Variants in CTNNA2 observed in about 807,000 individuals in gnomAD.
The protein encoded by CTNNA2 is catenin alpha-2.
Under a neutral mutation model 101.0 loss-of-function variants are expected in CTNNA2, and 42 were observed. The ratio of observed to expected loss-of-function variants is 0.42; its 90% CI spans 0.32 to 0.54. CTNNA2 has a LOEUF of 0.54. Ranked by LOEUF, CTNNA2 falls within the 20% of genes least tolerant of loss-of-function variation. CTNNA2 has a pLI of 0.14. For missense variants in CTNNA2, 871 were observed against 1,223.1 expected (o/e 0.71, Z 4.29); for synonymous variants, 450 against 456.4 (o/e 0.99, Z 0.18).
At chr2:79,781,003 G>T (rs938977038) in intron 3 of CTNNA2, among the ~76,000 whole-genome samples, 1 of 152,200 alleles carries the variant, frequency 6.6e-6, no homozygotes, top group South Asian at 2.1e-4. Flanking sequence ...TGGATCTCAT[G>T]CAAGAAAGAA....
At chr2:79,342,595 G>A (rs973637142) in intron 3 of CTNNA2, among the ~76,000 whole-genome samples, 1 of 152,008 alleles carries the variant, frequency 6.6e-6, no homozygotes, top group Non-Finnish European at 1.5e-5. Context: ...AATTATCTAG[G>A]GGTACATTTG....
intron 9 of CTNNA2, among the ~76,000 whole-genome samples, chr2:80,465,669 G>A (rs1012858592): frequency 1.3e-5 from 2 of 152,024 alleles, no homozygotes; most frequent in Non-Finnish European, 2.9e-5. Context: ...ATTTGCCCTC[G>A]CCCTAGCCCT....
chr2:80,232,940 C>T (rs1030303117), intron 7 of CTNNA2, among the ~76,000 whole-genome samples: 1 of 152,170 alleles, frequency 6.6e-6, no homozygotes, highest in Admixed American at 6.5e-5. Context: ...GTTTTTCTAA[C>T]TTTATCATGT....
chr2:80,547,775 C>T (rs989446381), intron 11 of CTNNA2, among the ~76,000 whole-genome samples: 5 of 148,692 alleles, frequency 3.4e-5, no homozygotes, highest in East Asian at 2.0e-4. Flanking sequence ...TAGCAACTTC[C>T]GCCTCCCGGA....
intron 3 of CTNNA2, among the ~76,000 whole-genome samples, chr2:79,809,934 C>T (rs547362384): frequency 1.3e-5 from 2 of 151,780 alleles, no homozygotes; most frequent in South Asian, 2.1e-4. Flanking sequence ...GCACTAAATA[C>T]GGAAAGGAAA....
At chr2:79,373,538 G>A (rs182820770) in intron 3 of CTNNA2, among the ~76,000 whole-genome samples, 5 of 152,254 alleles carry the variant, frequency 3.3e-5, no homozygotes, top group Admixed American at 6.5e-5. Context: ...CACTCAGTCA[G>A]TGCAGGGCAA....
At chr2:80,219,444 G>T (rs1179856203) in intron 7 of CTNNA2, among the ~76,000 whole-genome samples, 6 of 152,018 alleles carry the variant, frequency 3.9e-5, no homozygotes, top group Non-Finnish European at 7.4e-5. Context: ...TTTCACATTT[G>T]ATTCAACCTC....
intron 9 of CTNNA2, among the ~76,000 whole-genome samples, chr2:80,501,073 T>C (rs1573052359): frequency 6.6e-6 from 1 of 152,338 alleles, no homozygotes; most frequent in East Asian, 1.9e-4. Context: ...ATATCACATC[T>C]CTCTATTTCA....
intron 7 of CTNNA2, among the ~76,000 whole-genome samples, chr2:80,280,538 C>A (rs985302303): frequency 6.6e-6 from 1 of 151,752 alleles, no homozygotes; most frequent in Non-Finnish European, 1.5e-5. Context: ...TACAATCTTG[C>A]GCTGATCTTA....
At chr2:79,396,404 C>T (rs941525951) in intron 4 of CTNNA2, among the ~76,000 whole-genome samples, 3 of 152,090 alleles carry the variant, frequency 2.0e-5, no homozygotes, top group Admixed American at 6.6e-5. Flanking sequence ...GGCGATCTGC[C>T]CGCCTCGGCC....
chr2:79,908,766 G>T (rs577167405), intron 6 of CTNNA2, among the ~76,000 whole-genome samples: 1 of 152,222 alleles, frequency 6.6e-6, no homozygotes, highest in South Asian at 2.1e-4. Flanking sequence ...TAATTCACTA[G>T]TTTATGTCCA....
At chr2:79,599,843 C>T (rs971870893) in intron 1 of CTNNA2, among the ~76,000 whole-genome samples, 51 of 152,066 alleles carry the variant, frequency 3.4e-4, no homozygotes, top group African/African-American at 1.2e-3. Context: ...AAACAGCATC[C>T]TATTTAGAAC....
rs191298120 is a variant in CTNNA2 at position 80,028,496 on chromosome 2, T to C, written c.1056+118699T>C. 2.1e-3 allele frequency: 320 copies of C among 152,370 alleles called. 1 individual carries two copies. Among genetic ancestry groups the C allele is most frequent in the African/African-American group, 7.1e-3 (297 of 41,590 alleles). 9.4% of individuals were successfully genotyped at this position (152,370 alleles called of 1,614,324 possible). On this transcript the variant is annotated intron_variant, in intron 7 of 18. Coordinates refer to ENST00000402739, the MANE Select transcript of CTNNA2 (RefSeq NM_001282597.3). Reference sequence around the variant, plus strand: ...TGGATTCTTTATGAGTATGTCTTATTTTCTTTGGATTCTTTGTCAGATGCA... The same window carrying C: ...TGGATTCTTTATGAGTATGTCTTATCTTCTTTGGATTCTTTGTCAGATGCA...
intron 12 of CTNNA2, among the ~76,000 whole-genome samples, chr2:80,557,949 C>A (rs1693190454): frequency 6.6e-6 from 1 of 152,074 alleles, no homozygotes; most frequent in African/African-American, 2.4e-5. Flanking sequence ...TTTATCCTGG[C>A]TTGCAATGAT....
chr2:79,204,661 A>T lies in CTNNA2; in HGVS notation c.-406+6585A>T, dbSNP rs137901622. Among the ~76,000 whole-genome samples, 146 of 152,308 alleles carry T rather than the reference A, an allele frequency of 9.6e-4. 1 individual carries two copies. Among genetic ancestry groups the T allele is most frequent in the Middle Eastern group, 3.4e-3 (1 of 294 alleles). ...GGTAATTTATTTTTAAAAAATAGAA[A>T]TTTATGTCTCATAGTTCTGGAGGCT... On this transcript the variant is annotated intron_variant, in intron 2 of 21. Coordinates refer to the CTNNA2 transcript ENST00000466387.
intron 7 of CTNNA2, among the ~76,000 whole-genome samples, chr2:80,167,874 A>G (rs1207520989): frequency 6.6e-6 from 1 of 152,236 alleles, no homozygotes; most frequent in Non-Finnish European, 1.5e-5. Context: ...AATTTCCAGT[A>G]GAGCCTTAGG....
chr2:80,429,274 T>C (rs1216779587), intron 9 of CTNNA2, among the ~76,000 whole-genome samples: 1 of 152,214 alleles, frequency 6.6e-6, no homozygotes, highest in Non-Finnish European at 1.5e-5. Context: ...TAACTATTTA[T>C]AACCTTATTT....
chr2:79,649,727 C>G (rs1253727791), intron 1 of CTNNA2, among the ~76,000 whole-genome samples: 1 of 152,194 alleles, frequency 6.6e-6, no homozygotes, highest in Non-Finnish European at 1.5e-5. Context: ...AAACCCAAAT[C>G]TAAATCGGTC....
rs1294094410 is a variant in CTNNA2 at position 80,648,139 on chromosome 2, T to A, written c.*267T>A. 4 of 275,052 alleles carry A rather than the reference T, an allele frequency of 1.5e-5. No homozygotes were observed. The East Asian group carries it at 2.5e-4, about 17-fold the overall frequency. The allele number at this position is 275,052 out of a possible 1,614,324, so 17.0% of individuals were successfully genotyped here. On this transcript the variant is annotated 3_prime_UTR_variant, in exon 19 of 19. Transcript: ENST00000402739. ...ATAAAATTGGGCACAGAGTTCGCAT[T>A]GGCGCAATATTTATGGGAGTGGGAG...
Sources: gnomAD v4.1 joint callset for allele counts (sites outside exome capture counted in the v4.1 genomes callset) on GRCh38, gnomAD v4.1.1 for gene constraint, MANE v1.5 for transcripts, NCBI Gene and HGNC (gene_info 2026-07-23, HGNC 2026-07-21) for gene names.